PAN3: variants seen among roughly 807,000 people sequenced by gnomAD.
PAN3 encodes the protein PAN2-PAN3 deadenylation complex subunit PAN3.
In PAN3, 19 loss-of-function variants were observed where a neutral mutation model predicts 96.2. That is an observed-to-expected ratio of 0.20 (90% CI 0.14 to 0.29). The LOEUF is 0.29. Among genes scored for constraint, PAN3 ranks in the 10% least tolerant of loss-of-function variants. The pLI, the probability that PAN3 is intolerant of heterozygous loss-of-function variation, is 1.00. For synonymous variants in PAN3, 433 were observed against 406.6 expected (o/e 1.06, Z -0.78); for missense variants, 882 against 1,108.1 (o/e 0.80, Z 2.90).
chr13:28,266,698 C>T lies in PAN3; in HGVS notation c.1412-17C>T. 1 of 1,525,790 alleles carries T rather than the reference C, an allele frequency of 6.6e-7. No individual in the cohort carries two copies. The highest frequency in any genetic ancestry group is 8.8e-7 in the Non-Finnish European group (1 of 1,136,434). The allele number at this position is 1,525,790 out of a possible 1,614,324, so 94.5% of individuals were successfully genotyped here. ...AATGCCTGTATTTTCAAGTCATCTT[C>T]TTATGAATTACTCTAGCAGTTCCTA... On this transcript the variant is annotated splice_polypyrimidine_tract_variant and intron_variant, in intron 9 of 18. Coordinates refer to ENST00000380958, the MANE Select transcript of PAN3 (RefSeq NM_175854.8).
At chr13:28,238,800 C>CT (rs939141741) in intron 6 of PAN3, among the ~76,000 whole-genome samples, 7 of 151,708 alleles carry the variant, frequency 4.6e-5, no homozygotes, top group African/African-American at 1.2e-4. Flanking sequence ...ATTTTTTCCC[C>CT]TTTTTTTTCA....
rs1040908126 is a variant in PAN3, at chr13:28,266,782, G to T, written c.1479G>T (p.Arg493=). 3.7e-6 allele frequency: 6 copies of T among 1,609,926 alleles called. No homozygotes were observed. The highest frequency in any genetic ancestry group is 5.1e-6 in the Non-Finnish European group (6 of 1,177,910). ...TAGAACCACTGCCACCTCCCAACCG[G>T]ATACAGAAATCAAGTAATTTTGGAT... is the stretch of plus-strand genomic sequence containing the variant. The part of the protein sequence containing the change: ...FPLEPLPPPN[R]IQKSSNFGYI... The change falls in exon 10 of 19, where the codon CGG becomes CGT. Residue 493 remains arginine, a synonymous_variant. Coordinates refer to ENST00000380958, the MANE Select transcript of PAN3 (RefSeq NM_175854.8).
chr13:28,200,970 C>T (rs1566181407), intron 5 of PAN3, among the ~76,000 whole-genome samples: 1 of 152,056 alleles, frequency 6.6e-6, no homozygotes, highest in Non-Finnish European at 1.5e-5. Context: ...TTGCCAAATC[C>T]AGCAGTTTTA....
intron 5 of PAN3, 30 bp from the exon 6 acceptor site, chr13:28,220,201 G>A (rs773841483): frequency 6.2e-7 from 1 of 1,603,912 alleles, no homozygotes; most frequent in South Asian, 1.1e-5. Context: ...CTTAAAGTGT[G>A]TTAACTTACT....
intron 4 of PAN3, among the ~76,000 whole-genome samples, chr13:28,179,632 C>T (rs1371341675): frequency 2.0e-5 from 3 of 150,010 alleles, no homozygotes; most frequent in Non-Finnish European, 4.4e-5. Flanking sequence ...TGAGCCTGGG[C>T]GGTTGAGGCT....
chr13:28,146,035 G>A (rs1484134220), intron 1 of PAN3, among the ~76,000 whole-genome samples: 5 of 151,990 alleles, frequency 3.3e-5, no homozygotes, highest in Non-Finnish European at 7.4e-5. Context: ...TGCTGGGATT[G>A]CAGGTGTGAG....
chr13:28,272,109 T>C (rs1478226728), intron 14 of PAN3, 38 bp downstream of exon 14: 3 of 1,377,582 alleles, frequency 2.2e-6, no homozygotes, highest in Non-Finnish European at 3.0e-6. Flanking sequence ...CTTGTTTTCC[T>C]TTATTAAAGA....
In PAN3 at chr13:28,293,387, G is replaced by GTTTTTTTTTGTTTT. The variant is rs1869988891; in HGVS notation, c.*874_*875insGTTTTTTTTTTTTT. The GTTTTTTTTTGTTTT allele has an allele frequency of 9.4e-5, 2 of 21,356 alleles. 1 individual carries two copies. The highest frequency in any genetic ancestry group is 4.0e-4 in the African/African-American group (2 of 4,970). 1.3% of individuals were successfully genotyped at this position (21,356 alleles called of 1,614,324 possible). A position where few individuals can be genotyped will look rare whatever the true frequency, so the allele number is the denominator to read the frequency against. Reference sequence around the variant, plus strand: ...ACTTTAGGTTCTTTCCAGTTTGCTGGTTTTTTTTTTTTTTTTTTTTTTTTT... The same window carrying GTTTTTTTTTGTTTT: ...ACTTTAGGTTCTTTCCAGTTTGCTGGTTTTTTTTTGTTTTTTTTTTTTTTTTTTTTTTTTTTTTT... On this transcript the variant is annotated 3_prime_UTR_variant, in exon 19 of 19. Coordinates refer to ENST00000380958, the MANE Select transcript of PAN3 (RefSeq NM_175854.8).
At chr13:28,220,191 C>T in intron 5 of PAN3, 40 bp from the exon 6 acceptor site, 1 of 1,582,732 alleles carries the variant, frequency 6.3e-7, no homozygotes, top group Non-Finnish European at 8.6e-7. Context: ...CTTTTTTCGG[C>T]TTAAAGTGTG....
chr13:28,213,523 C>T (rs1195065528), intron 5 of PAN3, among the ~76,000 whole-genome samples: 1 of 152,006 alleles, frequency 6.6e-6, no homozygotes, highest in Non-Finnish European at 1.5e-5. Context: ...CATTTATGCA[C>T]TCAGAAACTG....
At chr13:28,276,773 T>A (rs913356937) in intron 14 of PAN3, among the ~76,000 whole-genome samples, 3 of 152,230 alleles carry the variant, frequency 2.0e-5, no homozygotes, top group African/African-American at 7.2e-5. Flanking sequence ...CCCACTATAT[T>A]CTGGGAGTTA....
intron 1 of PAN3, among the ~76,000 whole-genome samples, chr13:28,140,687 T>TTGTTC (rs564126847): frequency 0.022 from 2,998 of 134,904 alleles, 107 homozygotes; most frequent in African/African-American, 0.093. Context: ...GGGCCAAGTG[T>TTGTTC]TGTTCTGTTC....
Position 28,270,789 on chromosome 13 carries a change from A to G in PAN3, c.1881A>G (p.Ala627=), listed in dbSNP as rs1241181543. ...CATATATTGTCCAACTAAGTTCTGCATTGCGTACCATTCATACAGCAGGTT... is the reference window on the plus strand; with the variant it reads ...CATATATTGTCCAACTAAGTTCTGCGTTGCGTACCATTCATACAGCAGGTT... The part of the protein sequence containing the change: ...IWAYIVQLSS[A]LRTIHTAGLA... Residue 627 remains alanine (A), a synonymous_variant, in exon 13 of 19, where the codon GCA becomes GCG. Transcript: ENST00000380958. The G allele has an allele frequency of 1.9e-6, 3 of 1,614,014 alleles. No homozygotes were observed. The East Asian group carries it at 6.7e-5, about 36-fold the overall frequency.
intron 1 of PAN3, among the ~76,000 whole-genome samples, chr13:28,162,637 A>G (rs1873024931): frequency 6.7e-6 from 1 of 149,794 alleles, no homozygotes; most frequent in Non-Finnish European, 1.5e-5. Context: ...ACAGAGTGAG[A>G]CTCTGCCTTA....
At chr13:28,188,077 A>G (rs1368120991) in intron 4 of PAN3, among the ~76,000 whole-genome samples, 2 of 152,236 alleles carry the variant, frequency 1.3e-5, no homozygotes, top group African/African-American at 2.4e-5. Flanking sequence ...ATAGTAGTAT[A>G]CAAATGTGAA....
intron 6 of PAN3, among the ~76,000 whole-genome samples, chr13:28,233,103 T>C (rs1882746454): frequency 6.6e-6 from 1 of 152,038 alleles, no homozygotes; most frequent in Non-Finnish European, 1.5e-5. Flanking sequence ...GAAAGGCAAA[T>C]GTATTGGTAT....
chr13:28,274,249 T>G (rs1344928247), intron 14 of PAN3, among the ~76,000 whole-genome samples: 1 of 152,212 alleles, frequency 6.6e-6, no homozygotes, highest in East Asian at 1.9e-4. Context: ...ACATTGTTTC[T>G]TAGCTACTTT....
chr13:28,279,575 T>G (rs1397539863), intron 15 of PAN3, among the ~76,000 whole-genome samples: 1 of 151,742 alleles, frequency 6.6e-6, no homozygotes, highest in Non-Finnish European at 1.5e-5. Context: ...CTGGCCAACA[T>G]GGTGAAACCC....
intron 5 of PAN3, chr13:28,215,797 G>C: frequency 7.2e-7 from 1 of 1,393,732 alleles, no homozygotes; most frequent in Non-Finnish European, 1.0e-6. Context: ...GGTGATGTGA[G>C]ACAGACAGTT....
Sources: gnomAD v4.1 joint callset for allele counts (sites outside exome capture counted in the v4.1 genomes callset) on GRCh38, gnomAD v4.1.1 for gene constraint, MANE v1.5 for transcripts, NCBI Gene and HGNC (gene_info 2026-07-23, HGNC 2026-07-21) for gene names.